The following DNAAF9 variants were observed in gnomAD, a reference collection of about 807,000 sequenced individuals.
DNAAF9 encodes shulin.
DNAAF9 carries 90 observed loss-of-function variants against 167.0 expected under a neutral mutation model. The ratio of observed to expected loss-of-function variants is 0.54; its 90% CI spans 0.45 to 0.64. The LOEUF (loss-of-function observed/expected upper bound fraction) is 0.64, where lower values mean the gene tolerates loss of function less well. Ranked by LOEUF, DNAAF9 falls within the 30% of genes least tolerant of loss-of-function variation. The probability of loss-of-function intolerance (pLI) is 0.00; values close to 1 mark genes in which losing one functional copy is unlikely to be tolerated. For synonymous variants in DNAAF9, 491 were observed against 508.8 expected (o/e 0.96, Z 0.47); for missense variants, 1,315 against 1,442.2 (o/e 0.91, Z 1.43).
chr20:3,376,434 T>C, intron 3 of DNAAF9, 132 bp from the exon 4 acceptor site: 1 of 754,646 alleles, frequency 1.3e-6, no homozygotes, highest in South Asian at 2.1e-5. Context: ...CTGAAAATTA[T>C]TTAATTAAGC....
At chr20:3,342,354 C>T (rs1244047518) in intron 9 of DNAAF9, among the ~76,000 whole-genome samples, 1 of 152,160 alleles carries the variant, frequency 6.6e-6, no homozygotes, top group African/African-American at 2.4e-5. Flanking sequence ...TTCATGGCAC[C>T]AATCAGAGTT....
rs369458841 is a variant in DNAAF9 at position 3,262,247 on chromosome 20, TC to T, written c.2873+2190del. Among the ~76,000 whole-genome samples the T allele has an allele frequency of 8.6e-5, 13 of 150,384 alleles. No individual in the cohort carries two copies. The South Asian group carries it at 2.7e-3, about 31-fold the overall frequency. ...TTCCTGATGAGGAAAAAGTTCACAT[TC>T]TTTTTTTTTTTTTTTTTTTGACACG... On this transcript the variant is annotated intron_variant, in intron 31 of 36. Coordinates refer to ENST00000252032, the MANE Select transcript of DNAAF9 (RefSeq NM_001009984.3).
intron 7 of DNAAF9, among the ~76,000 whole-genome samples, chr20:3,349,205 A>AAAAAC (rs2070260898): frequency 1.7e-5 from 1 of 59,190 alleles, no homozygotes; most frequent in African/African-American, 7.4e-5. Context: ...AAAAAAAAAC[A>AAAAAC]AAAAAAAAAA....
intron 1 of DNAAF9, among the ~76,000 whole-genome samples, chr20:3,402,335 T>C (rs1257013781): frequency 1.3e-5 from 2 of 152,074 alleles, no homozygotes; most frequent in Non-Finnish European, 2.9e-5. Context: ...GCGGAAAAGT[T>C]AAATCTAGCT....
At chr20:3,262,019 T>C (rs2122759370) in intron 31 of DNAAF9, among the ~76,000 whole-genome samples, 1 of 152,102 alleles carries the variant, frequency 6.6e-6, no homozygotes, top group East Asian at 1.9e-4. Context: ...GAGCGGAGCA[T>C]ATCCTGGAAC....
chr20:3,368,140 G>A (rs1000743161), intron 6 of DNAAF9, among the ~76,000 whole-genome samples: 4 of 152,078 alleles, frequency 2.6e-5, no homozygotes, highest in African/African-American at 9.7e-5. Flanking sequence ...AGTACCGACT[G>A]GGGCAAGGGG....
chr20:3,297,100 G>C, intron 22 of DNAAF9, 151 bp from the exon 23 acceptor site: 1 of 622,818 alleles, frequency 1.6e-6, no homozygotes, highest in Non-Finnish European at 2.9e-6. Flanking sequence ...ATAGAGGCCT[G>C]AAGCAATTTT....
At chr20:3,307,895 A>C (rs991589854) in intron 20 of DNAAF9, among the ~76,000 whole-genome samples, 3 of 151,192 alleles carry the variant, frequency 2.0e-5, no homozygotes, top group African/African-American at 7.3e-5. Context: ...CTGCTGGGGA[A>C]ATTTATGATG....
At position 3,265,764 on chromosome 20, in the gene DNAAF9, G is replaced by A. The variant is rs1489151874; in HGVS notation, c.2787-1240C>T. On this transcript the variant is annotated intron_variant, in intron 30 of 36. Coordinates refer to ENST00000252032, the MANE Select transcript of DNAAF9 (RefSeq NM_001009984.3). ...GTGATCTCGTCTCACTGCAACCTCC[G>A]CCTCCTGAGTTCAAGCGATTCTCCT... 5.0e-4 allele frequency among the ~76,000 whole-genome samples: 68 copies of A among 136,376 alleles called. 1 individual carries two copies. The highest frequency in any genetic ancestry group is 3.8e-3 in the Middle Eastern group (1 of 264). The allele number at this position is 136,376 out of a possible 152,430, so 89.5% of individuals were successfully genotyped here.
intron 10 of DNAAF9, among the ~76,000 whole-genome samples, chr20:3,336,259 T>TTTTTTTG (rs2069944322): frequency 2.6e-5 from 1 of 38,962 alleles, no homozygotes; most frequent in African/African-American, 7.6e-5. Flanking sequence ...TGCGTTTTTG[T>TTTTTTTG]TTTTTTTTTT....
chr20:3,316,251 T>C (rs6051736), intron 18 of DNAAF9, among the ~76,000 whole-genome samples: 29,959 of 152,090 alleles, frequency 0.2, 3,166 homozygotes, highest in African/African-American at 0.25. Context: ...TGTCACACCT[T>C]TTACATTCCA....
intron 15 of DNAAF9, 61 bp downstream of exon 15, chr20:3,322,591 C>A (rs1034868665): frequency 8.0e-7 from 1 of 1,251,756 alleles, no homozygotes; most frequent in Admixed American, 1.7e-5. Flanking sequence ...CAGCAGCCTC[C>A]CCTCTCTTTA....
chr20:3,271,462 C>G lies in DNAAF9; in HGVS notation c.2651-900G>C, dbSNP rs184600053. On this transcript the variant is annotated intron_variant, in intron 29 of 36. Transcript: ENST00000252032. The stretch of plus-strand genomic sequence containing the variant: ...AATACAGAAGTAAAATTCACAGGAC[C>G]ACAGAGAATTTGGAGATCAGGAAAC... 3.5e-4 allele frequency among the ~76,000 whole-genome samples: 54 copies of G among 152,166 alleles called. No homozygotes were observed. The East Asian group carries it at 9.7e-3, about 27-fold the overall frequency.
intron 6 of DNAAF9, among the ~76,000 whole-genome samples, chr20:3,368,162 G>A (rs1462776184): frequency 6.6e-6 from 1 of 152,092 alleles, no homozygotes; most frequent in Non-Finnish European, 1.5e-5. Context: ...ATCTTTGGAC[G>A]GTTCTTTCCT....
At position 3,348,244 on chromosome 20, in the gene DNAAF9, A is replaced by G. The variant is rs77135620; in HGVS notation, c.789+281T>C. Among the ~76,000 whole-genome samples, 620 of 152,226 alleles carry G rather than the reference A, an allele frequency of 4.1e-3. 8 individuals carry two copies. The highest frequency in any genetic ancestry group is 0.014 in the African/African-American group (591 of 41,522). Reference sequence around the variant, plus strand: ...ACAAAGGTGTGCTACTCACATGTGGATAATTATTCCTACGTCTATTAACTG... The same window carrying G: ...ACAAAGGTGTGCTACTCACATGTGGGTAATTATTCCTACGTCTATTAACTG... On this transcript the variant is annotated intron_variant, in intron 8 of 36. Transcript: ENST00000252032.
intron 27 of DNAAF9, among the ~76,000 whole-genome samples, chr20:3,283,588 C>G (rs1292176253): frequency 6.6e-6 from 1 of 152,192 alleles, no homozygotes; most frequent in Non-Finnish European, 1.5e-5. Flanking sequence ...GAGTCCCACC[C>G]ACAACACGCA....
intron 33 of DNAAF9, among the ~76,000 whole-genome samples, chr20:3,258,458 A>G (rs995241051): frequency 6.6e-6 from 1 of 152,176 alleles, no homozygotes; most frequent in Non-Finnish European, 1.5e-5. Flanking sequence ...TCTTCTTCCA[A>G]TACCAATACC....
intron 1 of DNAAF9, among the ~76,000 whole-genome samples, chr20:3,392,104 T>C (rs548310968): frequency 5.3e-5 from 8 of 151,984 alleles, no homozygotes; most frequent in Non-Finnish European, 1.0e-4. Flanking sequence ...AGCCCAGGAG[T>C]TCCAGGCTGC....
At chr20:3,273,337 T>C (rs909932507) in intron 29 of DNAAF9, among the ~76,000 whole-genome samples, 6 of 152,264 alleles carry the variant, frequency 3.9e-5, no homozygotes, top group South Asian at 2.1e-4. Context: ...TCAGAACATA[T>C]AGAAAGTGTG....
Sources: allele counts gnomAD v4.1 joint callset (sites outside exome capture counted in the v4.1 genomes callset), GRCh38; gene constraint gnomAD v4.1.1; transcripts MANE v1.5; gene names NCBI Gene and HGNC (gene_info 2026-07-23, HGNC 2026-07-21).